The following SLC4A11 variants were observed in gnomAD, a reference collection of about 807,000 sequenced individuals.
SLC4A11 encodes the protein bicarbonate transporter related protein 1.
Under a neutral mutation model 95.0 loss-of-function variants are expected in SLC4A11, and 74 were observed. The ratio of observed to expected loss-of-function variants is 0.78; its 90% CI spans 0.65 to 0.95. The LOEUF is 0.95. SLC4A11 is among the 40% of genes least tolerant of loss of function. The pLI, the probability that SLC4A11 is intolerant of heterozygous loss-of-function variation, is 0.00. For synonymous variants in SLC4A11, 548 were observed against 519.0 expected, an observed-to-expected ratio of 1.06 and a Z score of -0.76; for missense variants, 1,081 against 1,192.4, an observed-to-expected ratio of 0.91 and a Z score of 1.38.
At chr20:3,239,041 G>T in intron 1 of SLC4A11, 54 bp downstream of exon 1, 1 of 1,460,712 alleles carries the variant, frequency 6.8e-7, no homozygotes, top group South Asian at 1.3e-5. Flanking sequence ...GACGGGAGAC[G>T]GTGGCGGAGA....
intron 1 of SLC4A11, 193 bp downstream of exon 1, chr20:3,238,902 G>A: frequency 2.4e-6 from 3 of 1,254,298 alleles, no homozygotes; most frequent in South Asian, 5.6e-5. Context: ...GCGCGCGGTG[G>A]CCGCGAAGCC....
chr20:3,228,872 C>G lies in SLC4A11; in HGVS notation c.2158G>C (p.Glu720Gln). 1 of 1,613,932 alleles carries G rather than the reference C, an allele frequency of 6.2e-7. No homozygotes were observed. The highest frequency in any genetic ancestry group is 8.5e-7 in the Non-Finnish European group (1 of 1,180,028). ...ATGTGTCCGTTCTCCACACGCTCCTCCACTAAGGCCAGGGCTCGCACGTGC... is the reference window on the plus strand; with the variant it reads ...ATGTGTCCGTTCTCCACACGCTCCTGCACTAAGGCCAGGGCTCGCACGTGC... ...PLHVRALALV[E>Q]ERVENGHIYD... Residue 720 changes from glutamate (E) to glutamine (Q), a missense_variant, in exon 17 of 20, where the codon GAG (glutamate) becomes CAG (glutamine). This residue lies in a region of SLC4A11 where 767 missense variants were observed against 858.0 expected (regional missense o/e 0.89). Coordinates refer to ENST00000642402, the MANE Select transcript of SLC4A11 (RefSeq NM_001174089.2).
Position 3,231,107 on chromosome 20 carries a change from C to T in SLC4A11, c.1042+42G>A, listed in dbSNP as rs774178002. On this transcript the variant is annotated intron_variant, in intron 9 of 19. Coordinates refer to ENST00000642402, the MANE Select transcript of SLC4A11 (RefSeq NM_001174089.2). The surrounding 1 kb of genome is among the most constrained non-coding windows in gnomAD (Gnocchi z 5.2). ...GGGTTTGCTGGGGATGCAGGACAGG[C>T]ACACGTGTGGGCCCAAGGCCTGGAA... 9.3e-6 allele frequency: 15 copies of T among 1,614,142 alleles called. No homozygotes were observed. In the South Asian group the frequency reaches 1.5e-4, roughly 17 times the overall value.
chr20:3,238,968 C>T, intron 1 of SLC4A11, 127 bp downstream of exon 1: 8 of 1,304,176 alleles, frequency 6.1e-6, no homozygotes, highest in Non-Finnish European at 6.8e-6. Flanking sequence ...ATCCCGCAGC[C>T]CTCTCGCCCA....
At chr20:3,232,245 C>T (rs763317597) in intron 7 of SLC4A11, among the ~76,000 whole-genome samples, 1 of 152,234 alleles carries the variant, frequency 6.6e-6, no homozygotes, top group Admixed American at 6.5e-5. Flanking sequence ...GTCAGGCACT[C>T]TCTCTCTCGC....
chr20:3,228,907 T>C lies in SLC4A11; in HGVS notation c.2123A>G (p.His708Arg), dbSNP rs1301441186. ...CAGGGCTCGCACGTGCAGCGGGGAG[T>C]GGGGGTAGGCGGCATGGATCCAAGG... is the stretch of plus-strand genomic sequence containing the variant. ...GLPWIHAAYPHSPLHVRALAL... is the reference protein window; with the variant it reads ...GLPWIHAAYPRSPLHVRALAL... Residue 708 changes from histidine (H) to arginine (R), a missense_variant, in exon 17 of 20, where the codon CAC becomes CGC. This residue lies in a region of SLC4A11 where 767 missense variants were observed against 858.0 expected (regional missense o/e 0.89). Transcript: ENST00000642402. 6.2e-7 allele frequency: 1 copy of C among 1,612,482 alleles called. No individual in the cohort carries two copies. Among genetic ancestry groups the C allele is most frequent in the Non-Finnish European group, 8.5e-7 (1 of 1,179,762 alleles).
chr20:3,229,297 A>G (rs776388953), intron 15 of SLC4A11, 34 bp from the exon 16 acceptor site: 7 of 1,612,948 alleles, frequency 4.3e-6, no homozygotes, highest in Non-Finnish European at 5.9e-6. Flanking sequence ...CTATGCCTGC[A>G]GCGCCTGGGG....
Position 3,229,343 on chromosome 20 carries a change from C to G in SLC4A11, c.1849+3G>C. 6.2e-7 allele frequency: 1 copy of G among 1,613,266 alleles called. No individual in the cohort carries two copies. The highest frequency in any genetic ancestry group is 8.5e-7 in the Non-Finnish European group (1 of 1,180,018). ...CGTCACCCACCGCCCGGCCCCAACT[C>G]ACTCTCGATTTCCCGGAAGCCATGG... On this transcript the variant is annotated splice_donor_region_variant and intron_variant, in intron 15 of 19. Coordinates refer to ENST00000642402, the MANE Select transcript of SLC4A11 (RefSeq NM_001174089.2).
Position 3,230,746 on chromosome 20 carries a change from G to C in SLC4A11, c.1268C>G (p.Ala423Gly), listed in dbSNP as rs775876542. 6.2e-7 allele frequency: 1 copy of C among 1,613,268 alleles called. No homozygotes were observed. Among genetic ancestry groups the C allele is most frequent in the African/African-American group, 1.3e-5 (1 of 75,066 alleles). Residue 423 changes from alanine to glycine, a missense_variant, in exon 11 of 20, where the codon GCG becomes GGG. Ala to Gly is a moderately conservative substitution (Grantham distance 60, BLOSUM62 0). Transcript: ENST00000642402. ...CCCCACTGCACCCTGGATGTAGAGC[G>C]CCAGGGGCGCGGTGGTCAGCAGAAT... Reference protein sequence around the residue: ...LVILLTTAPLALYIQVIRVIC... With the variant: ...LVILLTTAPLGLYIQVIRVIC...
chr20:3,229,141 T>G lies in SLC4A11; in HGVS notation c.1972A>C (p.Ile658Leu), dbSNP rs2067657334. 6.3e-7 allele frequency: 1 copy of G among 1,591,700 alleles called. No homozygotes were observed. Among genetic ancestry groups the G allele is most frequent in the Non-Finnish European group, 8.5e-7 (1 of 1,170,548 alleles). Reference protein sequence around the residue: ...LGFLLSMLFFIEQNLVAALVN... With the variant: ...LGFLLSMLFFLEQNLVAALVN... ...AAGGCGGCCACCAAGTTCTGCTCGA[T>G]GAAGAAGAGCATGGACAGCAGGAAG... Residue 658 changes from isoleucine to leucine, a missense_variant, in exon 16 of 20, where the codon ATC becomes CTC. Ile to Leu is a conservative substitution (Grantham distance 5, BLOSUM62 2). Transcript: ENST00000642402.
Position 3,228,400 on chromosome 20 carries a change from C to T in SLC4A11, c.2417G>A (p.Arg806Gln), listed in dbSNP as rs2067615165. 3.7e-6 allele frequency: 6 copies of T among 1,613,186 alleles called. No homozygotes were observed. Among genetic ancestry groups the T allele is most frequent in the Admixed American group, 1.7e-5 (1 of 60,000 alleles). Reference sequence around the variant, plus strand: ...GTGGATCTTCCTCTGGGGCACCCTCCGGATGTAGTGTGTCGGGGGGTACGC... The same window carrying T: ...GTGGATCTTCCTCTGGGGCACCCTCTGGATGTAGTGTGTCGGGGGGTACGC... ...QTAYPPTHYI[R>Q]RVPQRKIHYF... Residue 806 changes from arginine to glutamine, a missense_variant, in exon 19 of 20, where the codon CGG (arginine) becomes CAG (glutamine). This residue lies in a region of SLC4A11 where 767 missense variants were observed against 858.0 expected (regional missense o/e 0.89). Transcript: ENST00000642402.
Position 3,237,808 on chromosome 20 carries a change from C to T in SLC4A11, c.44-220G>A, listed in dbSNP as rs2068031868. 3.2e-6 allele frequency: 5 copies of T among 1,585,374 alleles called. No homozygotes were observed. The East Asian group carries it at 1.2e-4, about 37-fold the overall frequency. On this transcript the variant is annotated intron_variant, in intron 1 of 19. Transcript: ENST00000642402. ...ATCTCAGAAATTCAATTGCTTAGCC[C>T]ATCTGCTAGGGGCTGCCCAGGCGGG...
intron 12 of SLC4A11, 60 bp downstream of exon 12, chr20:3,230,455 G>T (rs2122539483): frequency 6.2e-7 from 1 of 1,611,930 alleles, no homozygotes; most frequent in East Asian, 2.2e-5. Flanking sequence ...TGGGGTTACA[G>T]GGGGCTGAAC....
At chr20:3,229,299 C>T (rs372150430) in intron 15 of SLC4A11, 36 bp from the exon 16 acceptor site, 40 of 1,612,902 alleles carry the variant, frequency 2.5e-5, no homozygotes, top group African/African-American at 1.1e-4. Context: ...ATGCCTGCAG[C>T]GCCTGGGGAG....
In SLC4A11 at chr20:3,228,910, G is replaced by A; in HGVS notation, c.2120C>T (p.Pro707Leu). 1 of 1,613,986 alleles carries A rather than the reference G, an allele frequency of 6.2e-7. No individual in the cohort carries two copies. The highest frequency in any genetic ancestry group is 8.5e-7 in the Non-Finnish European group (1 of 1,180,034). The stretch of plus-strand genomic sequence containing the variant: ...GGCTCGCACGTGCAGCGGGGAGTGG[G>A]GGTAGGCGGCATGGATCCAAGGCAG... ...FGLPWIHAAY[P>L]HSPLHVRALA... Residue 707 changes from proline to leucine, a missense_variant, in exon 17 of 20, where the codon CCC (proline) becomes CTC (leucine). Around this residue, in one of 3 missense-constraint regions of SLC4A11, gnomAD observed 767 missense variants for 858.0 expected, o/e 0.89. Coordinates refer to ENST00000642402, the MANE Select transcript of SLC4A11 (RefSeq NM_001174089.2).
At position 3,228,966 on chromosome 20, in the gene SLC4A11, G is replaced by A; in HGVS notation, c.2064C>T (p.Ala688=). 1.2e-6 allele frequency: 2 copies of A among 1,613,874 alleles called. No individual in the cohort carries two copies. The highest frequency in any genetic ancestry group is 1.7e-6 in the Non-Finnish European group (2 of 1,180,028). The change falls in exon 17 of 20, where the codon GCC becomes GCT. Residue 688 remains alanine, a synonymous_variant. Transcript: ENST00000642402. ...ACAGAGACAGCCCTGTGTTGATGATGGCGAGGAGCAGGAGGTCCCAGTGGT... is the reference window on the plus strand; with the variant it reads ...ACAGAGACAGCCCTGTGTTGATGATAGCGAGGAGCAGGAGGTCCCAGTGGT... ...TAYHWDLLLL[A]IINTGLSLFG... is the part of the protein sequence containing the mutation.
Position 3,228,644 on chromosome 20 carries a change from G to A in SLC4A11, c.2256C>T (p.Ser752=). The change falls in exon 18 of 20, where the codon TCC becomes TCT. Residue 752 remains serine, a synonymous_variant. Transcript: ENST00000642402. ...SLGASVLVGL[S]LLLLPVPLQW... ...GAAGCGGGACCGGCAGCAGCAACAGGGACAGGCCCACCAGGACGCTGGCGC... is the reference window on the plus strand; with the variant it reads ...GAAGCGGGACCGGCAGCAGCAACAGAGACAGGCCCACCAGGACGCTGGCGC... 4 of 1,613,088 alleles carry A rather than the reference G, an allele frequency of 2.5e-6. No homozygotes were observed. The highest frequency in any genetic ancestry group is 1.7e-6 in the Non-Finnish European group (2 of 1,179,928).
At position 3,229,693 on chromosome 20, in the gene SLC4A11, C is replaced by T. The variant is rs752433632; in HGVS notation, c.1573G>A (p.Gly525Ser). 35 of 1,613,912 alleles carry T rather than the reference C, an allele frequency of 2.2e-5. No individual in the cohort carries two copies. Among genetic ancestry groups the T allele is most frequent in the South Asian group, 4.4e-5 (4 of 91,080 alleles). ...TGGAGGCTGGCGTTGAGGCTGGCGCCGAGGCCTGACAGGCTGACAAGGGAT... is the reference window on the plus strand; with the variant it reads ...TGGAGGCTGGCGTTGAGGCTGGCGCTGAGGCCTGACAGGCTGACAAGGGAT... ...TSSLVSLSGL[G>S]ASLNASLHTA... Residue 525 changes from glycine to serine, a missense_variant, in exon 14 of 20, where the codon GGC becomes AGC. Physicochemically the swap from Gly to Ser is moderately conservative, Grantham distance 56 (BLOSUM62 0). Transcript: ENST00000642402.
Position 3,234,382 on chromosome 20 carries a change from C to A in SLC4A11, c.292-68G>T. The A allele has an allele frequency of 1.3e-6, 2 of 1,540,976 alleles. No homozygotes were observed. The highest frequency in any genetic ancestry group is 8.9e-7 in the Non-Finnish European group (1 of 1,121,814). On this transcript the variant is annotated intron_variant, in intron 4 of 19. Transcript: ENST00000642402. This position sits in a 1 kb window ranked among gnomAD's most constrained non-coding sequence, Gnocchi z 5.8. ...AGATGCTGTCACTGCCTGGTCCCTC[C>A]CTCCCAGCCAGCCGCAGCAGTCCAG...
Sources: gnomAD v4.1 joint callset for allele counts (sites outside exome capture counted in the v4.1 genomes callset) on GRCh38, gnomAD v4.1.1 for gene constraint, gnomAD v4.1.1 regional missense constraint, Gnocchi (gnomAD v3.1) non-coding constraint, MANE v1.5 for transcripts, NCBI Gene and HGNC (gene_info 2026-07-23, HGNC 2026-07-21) for gene names.